UMAD1: variants seen among roughly 807,000 people sequenced by gnomAD.
UMAD1 encodes UBAP1-MVB12-associated (UMA)-domain containing protein 1.
A neutral mutation model predicts 6.1 loss-of-function variants in UMAD1; 8 were observed. That is an observed-to-expected ratio of 1.30 (90% CI 0.76 to 2.35). UMAD1 has a LOEUF of 2.35. Ranked by LOEUF, UMAD1 falls within the 30% of genes most tolerant of loss-of-function variation. The pLI is 0.00. For synonymous variants in UMAD1, 56 were observed against 31.4 expected, an observed-to-expected ratio of 1.78 and a Z score of -2.61; for missense variants, 130 against 78.4, an observed-to-expected ratio of 1.66 and a Z score of -2.49.
At chr7:7,726,379 C>T (rs1053100612) in intron 2 of UMAD1, among the ~76,000 whole-genome samples, 2 of 152,230 alleles carry the variant, frequency 1.3e-5, no homozygotes, top group Non-Finnish European at 2.9e-5. Flanking sequence ...ATTCACTGGT[C>T]TTACCATGTT....
At chr7:7,802,441 T>C (rs939350002) in intron 3 of UMAD1, among the ~76,000 whole-genome samples, 2 of 151,978 alleles carry the variant, frequency 1.3e-5, no homozygotes, top group African/African-American at 4.8e-5. Flanking sequence ...CAAAGTACAC[T>C]CCTTGAAAGT....
At chr7:7,664,057 A>G (rs1201472065) in intron 1 of UMAD1, among the ~76,000 whole-genome samples, 2 of 152,200 alleles carry the variant, frequency 1.3e-5, no homozygotes, top group Non-Finnish European at 2.9e-5. Context: ...GATTTCTACC[A>G]TCTGCACAGT....
intron 3 of UMAD1, among the ~76,000 whole-genome samples, chr7:7,842,689 A>T (rs1783705917): frequency 6.6e-6 from 1 of 152,200 alleles, no homozygotes; most frequent in East Asian, 1.9e-4. Context: ...TTATTAAAAT[A>T]AAGAGTACAT....
chr7:7,736,518 AT>A (rs1187887245), intron 2 of UMAD1: 1 of 152,170 alleles, frequency 6.6e-6, no homozygotes, highest in Non-Finnish European at 1.5e-5. Context: ...GTCTTTATTT[AT>A]TTGATTCCAG....
intron 1 of UMAD1, among the ~76,000 whole-genome samples, chr7:7,661,971 C>T (rs376713671): frequency 1.3e-5 from 2 of 152,218 alleles, no homozygotes; most frequent in Admixed American, 6.5e-5. Context: ...AAGCCCCTGA[C>T]TGGGGCTGCT....
intron 2 of UMAD1, among the ~76,000 whole-genome samples, chr7:7,784,339 T>G (rs1278733378): frequency 1.8e-4 from 1 of 5,644 alleles, no homozygotes; most frequent in African/African-American, 1.7e-3. Flanking sequence ...AAATCTCTGT[T>G]TTTTTTTTTT....
chr7:7,782,301 A>G (rs764199966), intron 2 of UMAD1, among the ~76,000 whole-genome samples: 18 of 152,068 alleles, frequency 1.2e-4, no homozygotes, highest in Non-Finnish European at 2.2e-4. Flanking sequence ...ACGTATTCTC[A>G]TATACTTTTC....
In UMAD1 at chr7:7,696,655, A is replaced by G. The variant is rs112065722; in HGVS notation, c.82+23202A>G. On this transcript the variant is annotated intron_variant, in intron 2 of 3. Coordinates refer to ENST00000682710, the MANE Select transcript of UMAD1 (RefSeq NM_001302348.2). ...AGTAGCTCTCCCTCATACAGAACAA[A>G]TGACTCACATGCTCAAGCTAAATAA... Among the ~76,000 whole-genome samples, 458 of 152,210 alleles carry G rather than the reference A, an allele frequency of 3.0e-3. 1 individual carries two copies. Among genetic ancestry groups the G allele is most frequent in the African/African-American group, 0.011 (440 of 41,548 alleles).
At position 7,743,575 on chromosome 7, in the gene UMAD1, T is replaced by C. The variant is rs138864202; in HGVS notation, c.83-58095T>C. Among the ~76,000 whole-genome samples, 851 of 152,122 alleles carry C rather than the reference T, an allele frequency of 5.6e-3. 13 individuals are homozygous for C. Among genetic ancestry groups the C allele is most frequent in the African/African-American group, 0.02 (810 of 41,528 alleles). On this transcript the variant is annotated intron_variant, in intron 2 of 3. Transcript: ENST00000682710. ...CTTTCCCCTTATGTATGTTTGGACT[T>C]ATAACACGTTTTAGATGTGAGATTT...
chr7:7,785,544 G>A (rs1204269932), intron 2 of UMAD1, among the ~76,000 whole-genome samples: 2 of 152,206 alleles, frequency 1.3e-5, no homozygotes, highest in African/African-American at 2.4e-5. Context: ...ATTGTGGGAT[G>A]GGGCAAAGGC....
chr7:7,693,321 A>G (rs144797740), intron 2 of UMAD1, among the ~76,000 whole-genome samples: 1 of 152,052 alleles, frequency 6.6e-6, no homozygotes, highest in African/African-American at 2.4e-5. Flanking sequence ...CTATCTATCT[A>G]TCTATCTATC....
intron 2 of UMAD1, among the ~76,000 whole-genome samples, chr7:7,692,723 C>A (rs1390167837): frequency 6.6e-6 from 1 of 152,126 alleles, no homozygotes; most frequent in South Asian, 2.1e-4. Flanking sequence ...GATTCTCCTG[C>A]CTCAGCCTCC....
intron 2 of UMAD1, among the ~76,000 whole-genome samples, chr7:7,787,568 T>C (rs1782484085): frequency 6.6e-6 from 1 of 152,240 alleles, no homozygotes; most frequent in Admixed American, 6.5e-5. Context: ...TTATATTTCA[T>C]GTTATTTACC....
chr7:7,648,233 A>G (rs1003476693), intron 1 of UMAD1, among the ~76,000 whole-genome samples: 2 of 152,196 alleles, frequency 1.3e-5, no homozygotes, highest in Non-Finnish European at 1.5e-5. Flanking sequence ...TTCCTTTCTA[A>G]GAGAGCACTA....
rs143873602 is a variant in UMAD1 at position 7,756,158 on chromosome 7, C to T, written c.83-45512C>T. Among the ~76,000 whole-genome samples the T allele has an allele frequency of 8.5e-5, 13 of 152,180 alleles. No homozygotes were observed. In the East Asian group the frequency reaches 1.2e-3, roughly 14 times the overall value. ...GAAGTTGGACCCCAAAGGGTAAAGA[C>T]GGTTGTTGGAAAATGAAGATAGCCT... On this transcript the variant is annotated intron_variant, in intron 2 of 3. Coordinates refer to ENST00000682710, the MANE Select transcript of UMAD1 (RefSeq NM_001302348.2).
At chr7:7,717,203 T>G (rs896165173) in intron 2 of UMAD1, among the ~76,000 whole-genome samples, 15 of 151,932 alleles carry the variant, frequency 9.9e-5, no homozygotes, top group Non-Finnish European at 1.6e-4. Context: ...ACTACCGGTA[T>G]GCGCCACCAC....
intron 2 of UMAD1, among the ~76,000 whole-genome samples, chr7:7,781,197 T>C (rs1682322045): frequency 6.6e-6 from 1 of 152,188 alleles, no homozygotes; most frequent in Admixed American, 6.5e-5. Context: ...TAAATTCTTT[T>C]ATATCTTAGA....
At chr7:7,810,995 A>T (rs1783009734) in intron 3 of UMAD1, among the ~76,000 whole-genome samples, 1 of 152,152 alleles carries the variant, frequency 6.6e-6, no homozygotes, top group Admixed American at 6.6e-5. Context: ...TATTCTTCCT[A>T]TCTCTTTGGA....
chr7:7,682,647 G>C (rs1779942062), intron 2 of UMAD1, among the ~76,000 whole-genome samples: 1 of 152,118 alleles, frequency 6.6e-6, no homozygotes, highest in African/African-American at 2.4e-5. Flanking sequence ...TTTATTGCCT[G>C]TTCTTACAAA....
Sources: gnomAD v4.1 joint callset for allele counts (sites outside exome capture counted in the v4.1 genomes callset) on GRCh38, gnomAD v4.1.1 for gene constraint, MANE v1.5 for transcripts, NCBI Gene and HGNC (gene_info 2026-07-23, HGNC 2026-07-21) for gene names.